The following NTRK3 variants were observed in gnomAD, a reference collection of about 807,000 sequenced individuals.
The protein encoded by NTRK3 is NT-3 growth factor receptor.
NTRK3 carries 24 observed loss-of-function variants against 91.7 expected under a neutral mutation model. That is an observed-to-expected ratio of 0.26 (90% CI 0.19 to 0.37). The LOEUF is 0.37. Among genes scored for constraint, NTRK3 ranks in the 10% least tolerant of loss-of-function variants. NTRK3 has a pLI of 1.00. For synonymous variants in NTRK3, 483 were observed against 404.0 expected, an observed-to-expected ratio of 1.20 and a Z score of -2.34; for missense variants, 880 against 1,068.9, an observed-to-expected ratio of 0.82 and a Z score of 2.46.
chr15:87,875,567 A>C, exon 19 of NTRK3: 1 of 232,786 alleles, frequency 4.3e-6, no homozygotes, highest in East Asian at 6.1e-5. Flanking sequence ...CCCCTACCCC[A>C]GCCCACAAAA....
intron 17 of NTRK3, among the ~76,000 whole-genome samples, chr15:87,919,689 G>A (rs1305904489): frequency 6.6e-6 from 1 of 152,172 alleles, no homozygotes; most frequent in East Asian, 1.9e-4. Flanking sequence ...ACCCACCAGG[G>A]TGAATCTTGG....
chr15:88,067,986 C>T (rs2046799611), intron 13 of NTRK3, among the ~76,000 whole-genome samples: 1 of 152,166 alleles, frequency 6.6e-6, no homozygotes, highest in Non-Finnish European at 1.5e-5. Context: ...ATCTTACGGG[C>T]TGTGACTATC....
intron 14 of NTRK3, among the ~76,000 whole-genome samples, chr15:87,989,312 A>G (rs1321885060): frequency 6.6e-6 from 1 of 152,258 alleles, no homozygotes; most frequent in African/African-American, 2.4e-5. Flanking sequence ...ACCATGGAAT[A>G]CTAAGCAGCC....
chr15:88,130,438 A>T (rs954884938), intron 10 of NTRK3, among the ~76,000 whole-genome samples: 2 of 152,244 alleles, frequency 1.3e-5, no homozygotes. Flanking sequence ...CTATTTATGT[A>T]GTTTAAAAAT....
intron 13 of NTRK3, among the ~76,000 whole-genome samples, chr15:88,092,025 A>AT (rs1213172479): frequency 1.3e-5 from 2 of 152,218 alleles, no homozygotes; most frequent in Non-Finnish European, 2.9e-5. Flanking sequence ...CTCACAGTAG[A>AT]TCACACATCA....
At position 87,898,866 on chromosome 15, in the gene NTRK3, G is replaced by A. The variant is rs1309567454; in HGVS notation, c.2134-18438C>T. Reference sequence around the variant, plus strand: ...AAAAATACAAAAATTAGCCAGGTGTGGTGGCACGCACCTGTAGTCCCAGCT... The same window carrying A: ...AAAAATACAAAAATTAGCCAGGTGTAGTGGCACGCACCTGTAGTCCCAGCT... On this transcript the variant is annotated intron_variant, in intron 17 of 18. Coordinates refer to ENST00000394480, the Ensembl canonical transcript of NTRK3. Among the ~76,000 whole-genome samples the A allele has an allele frequency of 2.0e-5, 3 of 151,494 alleles. No individual in the cohort carries two copies. In the South Asian group the frequency reaches 6.3e-4, roughly 32 times the overall value.
intron 5 of NTRK3, among the ~76,000 whole-genome samples, chr15:88,156,467 C>T (rs1194911570): frequency 6.6e-6 from 1 of 152,112 alleles, no homozygotes; most frequent in Non-Finnish European, 1.5e-5. Context: ...TTCCCCCATC[C>T]TTCAGCCCCT....
intron 14 of NTRK3, among the ~76,000 whole-genome samples, chr15:87,986,047 G>A (rs2074747618): frequency 2.0e-5 from 3 of 152,144 alleles, no homozygotes; most frequent in African/African-American, 7.2e-5. Flanking sequence ...ATAAGCCATG[G>A]AGCAATACTA....
chr15:88,157,459 T>C (rs192754668), intron 5 of NTRK3, among the ~76,000 whole-genome samples: 37 of 152,130 alleles, frequency 2.4e-4, no homozygotes, highest in African/African-American at 8.4e-4. Flanking sequence ...GCAGGGCCCA[T>C]CCTGCCCTGG....
intron 10 of NTRK3, 102 bp from the exon 11 acceptor site, chr15:88,128,836 T>C: frequency 9.6e-7 from 1 of 1,046,758 alleles, no homozygotes; most frequent in Non-Finnish European, 1.5e-6. Flanking sequence ...TCACCATGAT[T>C]CCCTGTTCTC....
intron 6 of NTRK3, among the ~76,000 whole-genome samples, chr15:88,147,000 T>C (rs550256871): frequency 1.3e-3 from 203 of 152,288 alleles, no homozygotes; most frequent in African/African-American, 4.7e-3. Context: ...TAATAGTCTA[T>C]AAAGTTATAT....
At chr15:88,059,728 A>AC (rs201278244) in intron 13 of NTRK3, among the ~76,000 whole-genome samples, 1,744 of 151,972 alleles carry the variant, frequency 0.011, 40 homozygotes, top group Middle Eastern at 0.041. Flanking sequence ...CTAAATTGTG[A>AC]CCCCCCCTAA....
chr15:87,941,915 T>C (rs914431861), intron 14 of NTRK3, among the ~76,000 whole-genome samples: 1 of 152,250 alleles, frequency 6.6e-6, no homozygotes, highest in Non-Finnish European at 1.5e-5. Flanking sequence ...ATTAAATACC[T>C]GTATTCACAT....
At chr15:87,909,543 G>A (rs1234107446) in intron 17 of NTRK3, among the ~76,000 whole-genome samples, 3 of 152,146 alleles carry the variant, frequency 2.0e-5, no homozygotes, top group East Asian at 1.9e-4. Context: ...CTGATGGCAG[G>A]GAGGGACGAA....
chr15:87,873,274 T>C (rs1291966873), exon 19 of NTRK3: 1 of 231,028 alleles, frequency 4.3e-6, no homozygotes, highest in African/African-American at 2.2e-5. Context: ...ATCTGCTGAA[T>C]GGAGGAAGCA....
chr15:88,111,484 C>T (rs961708142), intron 13 of NTRK3, among the ~76,000 whole-genome samples: 1 of 152,138 alleles, frequency 6.6e-6, no homozygotes, highest in African/African-American at 2.4e-5. Context: ...AAGCTGTTAG[C>T]TTAGGGAGTT....
chr15:88,130,528 T>A (rs1262376975), intron 10 of NTRK3, among the ~76,000 whole-genome samples: 1 of 151,914 alleles, frequency 6.6e-6, no homozygotes, highest in Non-Finnish European at 1.5e-5. Context: ...GACCAAGTAA[T>A]AAAGTCAACA....
chr15:87,973,813 C>A (rs950424459), intron 14 of NTRK3, among the ~76,000 whole-genome samples: 1 of 152,146 alleles, frequency 6.6e-6, no homozygotes, highest in Non-Finnish European at 1.5e-5. Context: ...TCCAAGCAGC[C>A]AGCATCGCCC....
At chr15:88,047,094 A>G (rs1280349498) in intron 13 of NTRK3, among the ~76,000 whole-genome samples, 1 of 152,138 alleles carries the variant, frequency 6.6e-6, no homozygotes. Flanking sequence ...GGGAAAAGCA[A>G]TGAGGTTCCA....
Sources: gnomAD v4.1 joint callset for allele counts (sites outside exome capture counted in the v4.1 genomes callset) on GRCh38, gnomAD v4.1.1 for gene constraint, MANE v1.5 for transcripts, NCBI Gene and HGNC (gene_info 2026-07-23, HGNC 2026-07-21) for gene names.